The following XIRP2 variants were observed in gnomAD, a reference collection of about 807,000 sequenced individuals.
XIRP2 encodes xin actin binding repeat containing 2.
A neutral mutation model predicts 277.0 loss-of-function variants in XIRP2; 236 were observed. The ratio of observed to expected loss-of-function variants is 0.85; its 90% confidence interval spans 0.77 to 0.95. XIRP2 has a LOEUF of 0.95. Among genes scored for constraint, XIRP2 ranks in the 40% least tolerant of loss-of-function variants. XIRP2 has a pLI of 0.00. For synonymous variants in XIRP2, 1,490 were observed against 1,416.5 expected (o/e 1.05, Z -1.17); for missense variants, 4,640 against 4,157.5 (o/e 1.12, Z -3.19).
chr2:166,947,251 A>T (rs73969932), intron 2 of XIRP2, among the ~76,000 whole-genome samples: 16,227 of 152,180 alleles, frequency 0.11, 853 homozygotes, highest in Non-Finnish European at 0.11. Context: ...CAGGAGTTCA[A>T]AACCTGGGAT....
chr2:167,000,426 T>C (rs1687333552), intron 2 of XIRP2, among the ~76,000 whole-genome samples: 1 of 152,116 alleles, frequency 6.6e-6, no homozygotes, highest in African/African-American at 2.4e-5. Context: ...ACTACGTTTC[T>C]CTGATCTCTG....
At position 167,247,547 on chromosome 2, in the gene XIRP2, A is replaced by T. The variant is rs778672528; in HGVS notation, c.6155A>T (p.Lys2052Ile). 1 of 1,613,686 alleles carries T rather than the reference A, an allele frequency of 6.2e-7. No individual in the cohort carries two copies. Among genetic ancestry groups the T allele is most frequent in the Non-Finnish European group, 8.5e-7 (1 of 1,179,752 alleles). Residue 2052 changes from lysine (K) to isoleucine (I), a missense_variant, in exon 9 of 11, where the codon AAA (lysine) becomes ATA (isoleucine). Coordinates refer to ENST00000409195, the MANE Select transcript of XIRP2 (RefSeq NM_152381.6). ...AGAAGACTATCTAATTCACACCATA[A>T]ATCTAATGTTTTGGAATCAGGAGAC... Reference protein sequence around the residue: ...SLRRLSNSHHKSNVLESGDKT... With the variant: ...SLRRLSNSHHISNVLESGDKT...
Position 167,245,917 on chromosome 2 carries a change from A to G in XIRP2, c.4525A>G (p.Ile1509Val), listed in dbSNP as rs1234706102. ...FDSIMEAHKGITKMTKEEIPP... is the reference protein window; with the variant it reads ...FDSIMEAHKGVTKMTKEEIPP... ...TTCTATTATGGAAGCACATAAAGGTATCACAAAAATGACCAAGGAAGAAAT... is the reference window on the plus strand; with the variant it reads ...TTCTATTATGGAAGCACATAAAGGTGTCACAAAAATGACCAAGGAAGAAAT... Residue 1509 changes from isoleucine to valine, a missense_variant, in exon 9 of 11, where the codon ATC (isoleucine) becomes GTC (valine). Coordinates refer to ENST00000409195, the MANE Select transcript of XIRP2 (RefSeq NM_152381.6). 1.2e-6 allele frequency: 2 copies of G among 1,613,760 alleles called. No homozygotes were observed. The highest frequency in any genetic ancestry group is 1.7e-6 in the Non-Finnish European group (2 of 1,179,780).
intron 2 of XIRP2, among the ~76,000 whole-genome samples, chr2:167,134,576 A>G (rs1011262730): frequency 2.6e-4 from 39 of 152,118 alleles, no homozygotes; most frequent in Non-Finnish European, 4.7e-4. Context: ...GAGAAATACA[A>G]TAGTGCCTTC....
At chr2:167,207,357 C>A (rs540028099) in intron 3 of XIRP2, among the ~76,000 whole-genome samples, 1 of 152,186 alleles carries the variant, frequency 6.6e-6, no homozygotes, top group East Asian at 1.9e-4. Flanking sequence ...GGAGAAAATT[C>A]TAGAATGTAT....
intron 2 of XIRP2, among the ~76,000 whole-genome samples, chr2:166,954,066 A>T (rs1315044737): frequency 2.6e-5 from 4 of 151,942 alleles, no homozygotes; most frequent in African/African-American, 7.2e-5. Context: ...AGGAACTGAC[A>T]TATTTTTGTA....
chr2:166,983,695 C>T (rs528254821), intron 2 of XIRP2, among the ~76,000 whole-genome samples: 37 of 152,276 alleles, frequency 2.4e-4, no homozygotes, highest in African/African-American at 8.4e-4. Flanking sequence ...TAAATTCTGT[C>T]TTTTCTATGG....
intron 2 of XIRP2, among the ~76,000 whole-genome samples, chr2:167,032,399 C>T (rs1423171157): frequency 6.6e-6 from 1 of 152,134 alleles, no homozygotes; most frequent in East Asian, 1.9e-4. Context: ...GCAAAGACTT[C>T]ATGACTAAAA....
At chr2:166,943,208 TATA>T (rs1463560463) in intron 2 of XIRP2, among the ~76,000 whole-genome samples, 2 of 152,234 alleles carry the variant, frequency 1.3e-5, no homozygotes, top group African/African-American at 4.8e-5. Context: ...GGCCTAATAA[TATA>T]ATAGAAATAT....
chr2:167,089,795 G>A (rs923297893), intron 2 of XIRP2, among the ~76,000 whole-genome samples: 3 of 151,998 alleles, frequency 2.0e-5, no homozygotes, highest in Non-Finnish European at 2.9e-5. Context: ...AAGTTCTATC[G>A]AAACGCAGCT....
intron 2 of XIRP2, among the ~76,000 whole-genome samples, chr2:167,021,037 T>G (rs16852870): frequency 6.6e-6 from 1 of 151,880 alleles, no homozygotes; most frequent in African/African-American, 2.4e-5. Context: ...TCTTCTAGAG[T>G]CTTGGTTCTC....
chr2:167,145,669 G>T (rs1691844011), intron 3 of XIRP2, among the ~76,000 whole-genome samples: 1 of 152,332 alleles, frequency 6.6e-6, no homozygotes, highest in African/African-American at 2.4e-5. Flanking sequence ...CTAGAAGGAA[G>T]CAGAGCAAAA....
chr2:167,144,895 T>C (rs972855660), intron 3 of XIRP2, among the ~76,000 whole-genome samples: 1 of 152,168 alleles, frequency 6.6e-6, no homozygotes, highest in Non-Finnish European at 1.5e-5. Context: ...TGAGTGGAAG[T>C]TCAGATGGTC....
In XIRP2 at chr2:167,142,791, T is replaced by G. The variant is rs78149878; in HGVS notation, c.562+6729T>G. On this transcript the variant is annotated intron_variant, in intron 3 of 10. Transcript: ENST00000409195. ...GCAGACGGTGCTATGCCAGAGAAGT[T>G]TGATGACAGGTATTGGTGATACAAT... Among the ~76,000 whole-genome samples, 275 of 152,210 alleles carry G rather than the reference T, an allele frequency of 1.8e-3. 1 individual carries two copies. The highest frequency in any genetic ancestry group is 6.3e-3 in the African/African-American group (261 of 41,532).
chr2:167,244,321 G>A lies in XIRP2; in HGVS notation c.2929G>A (p.Glu977Lys). The A allele has an allele frequency of 6.2e-7, 1 of 1,613,732 alleles. No homozygotes were observed. The highest frequency in any genetic ancestry group is 2.2e-5 in the East Asian group (1 of 44,830). Residue 977 changes from glutamate (E) to lysine (K), a missense_variant, in exon 9 of 11, where the codon GAG (glutamate) becomes AAG (lysine). Coordinates refer to ENST00000409195, the MANE Select transcript of XIRP2 (RefSeq NM_152381.6). ...GGAAGGAGTTACAAGAGGTGCTGTA[G>A]AGTTAAATAAATCTCTCTTCGAGAC... ...EVEGVTRGAVELNKSLFETTP... is the reference protein window; with the variant it reads ...EVEGVTRGAVKLNKSLFETTP...
chr2:167,076,877 G>A (rs375944364), intron 2 of XIRP2, among the ~76,000 whole-genome samples: 4 of 152,210 alleles, frequency 2.6e-5, no homozygotes, highest in African/African-American at 9.6e-5. Flanking sequence ...GGTCTCTTAG[G>A]TCGGAGTGCA....
chr2:167,221,508 T>A (rs2105404775), intron 5 of XIRP2, among the ~76,000 whole-genome samples: 1 of 151,738 alleles, frequency 6.6e-6, no homozygotes, highest in South Asian at 2.1e-4. Context: ...TTGTGTCTTA[T>A]TTTAAATGGC....
In XIRP2 at chr2:166,939,729, A is replaced by C. The variant is rs570789527; in HGVS notation, c.408+35839A>C. Among the ~76,000 whole-genome samples the C allele has an allele frequency of 3.0e-3, 463 of 151,976 alleles. 1 individual carries two copies. The Middle Eastern group carries it at 0.034, about 11-fold the overall frequency. ...AACAAAAACAAAAAACAAAACAAAA[A>C]AAAAACAAAGAAAATTCATTCCTTT... is the stretch of plus-strand genomic sequence containing the variant. On this transcript the variant is annotated intron_variant, in intron 2 of 10. Transcript: ENST00000409195.
At chr2:167,186,511 G>A (rs1364966410) in intron 3 of XIRP2, among the ~76,000 whole-genome samples, 1 of 152,138 alleles carries the variant, frequency 6.6e-6, no homozygotes, top group Non-Finnish European at 1.5e-5. Context: ...CAGAAGGGAG[G>A]AAAGATAAAG....
Sources: allele counts gnomAD v4.1 joint callset (sites outside exome capture counted in the v4.1 genomes callset), GRCh38; gene constraint gnomAD v4.1.1; transcripts MANE v1.5; gene names NCBI Gene and HGNC (gene_info 2026-07-23, HGNC 2026-07-21).